Variants in UPF2 observed in about 807,000 individuals in gnomAD.
The protein encoded by UPF2 is UPF2 regulator of nonsense mediated mRNA decay.
Under a neutral mutation model 141.4 loss-of-function variants are expected in UPF2, and 17 were observed. The ratio of observed to expected loss-of-function variants is 0.12; its 90% CI spans 0.08 to 0.18. UPF2 has a LOEUF of 0.18. Ranked by LOEUF, UPF2 falls within the 10% of genes least tolerant of loss-of-function variation. The pLI is 1.00. For missense variants in UPF2, 1,152 were observed against 1,515.9 expected (o/e 0.76, Z 3.99); for synonymous variants, 540 against 498.0 (o/e 1.08, Z -1.12).
intron 15 of UPF2, among the ~76,000 whole-genome samples, chr10:11,950,301 T>C (rs2131181554): frequency 6.6e-6 from 1 of 152,300 alleles, no homozygotes; most frequent in South Asian, 2.1e-4. Flanking sequence ...TTTTCAGGTG[T>C]CTGAAAACAA....
chr10:11,929,399 C>G (rs889809498), intron 21 of UPF2, among the ~76,000 whole-genome samples: 7 of 152,150 alleles, frequency 4.6e-5, no homozygotes, highest in African/African-American at 1.7e-4. Flanking sequence ...TTTGTAAGAA[C>G]AGCCACGTGG....
intron 12 of UPF2, among the ~76,000 whole-genome samples, chr10:11,957,158 G>A (rs1008614108): frequency 5.9e-5 from 9 of 152,002 alleles, no homozygotes; most frequent in Non-Finnish European, 1.3e-4. Flanking sequence ...GCCAGGTGCT[G>A]TGGCTCACGC....
chr10:11,931,161 C>A lies in UPF2; in HGVS notation c.3688+480G>T, dbSNP rs1341586368. On this transcript the variant is annotated intron_variant, in intron 20 of 21. Coordinates refer to ENST00000357604, the MANE Select transcript of UPF2 (RefSeq NM_015542.4). This position sits in a 1 kb window ranked among gnomAD's most constrained non-coding sequence, Gnocchi z 5.9. ...GTGTGCCGCGTGACCATGTTCCAGA[C>A]AATGACAGACACCTATACAATGGTG... 6.6e-6 allele frequency among the ~76,000 whole-genome samples: 1 copy of A among 152,182 alleles called. No individual in the cohort carries two copies. Among genetic ancestry groups the A allele is most frequent in the Non-Finnish European group, 1.5e-5 (1 of 68,044 alleles).
At position 11,978,471 on chromosome 10, in the gene UPF2, A is replaced by G. The variant is rs74116803; in HGVS notation, c.1953+586T>C. 9.7e-3 allele frequency among the ~76,000 whole-genome samples: 1,480 copies of G among 152,260 alleles called. 23 individuals carry two copies. The highest frequency in any genetic ancestry group is 0.034 in the African/African-American group (1,395 of 41,552). On this transcript the variant is annotated intron_variant, in intron 9 of 21. Transcript: ENST00000357604. The stretch of plus-strand genomic sequence containing the variant: ...CATGGGTTGGGAGAACCACTAACAC[A>G]TAGTTTGTTCATACTTCTAGGGTTA...
rs1832835376 is a variant in UPF2 at position 11,935,273 on chromosome 10, C to G, written c.3546+1272G>C. On this transcript the variant is annotated intron_variant, in intron 19 of 21. Coordinates refer to ENST00000357604, the MANE Select transcript of UPF2 (RefSeq NM_015542.4). The surrounding 1 kb of genome is among the most constrained non-coding windows in gnomAD (Gnocchi z 4.9). Reference sequence around the variant, plus strand: ...GGTGTATTTCTCATATGCCTCCCAACACCAGAATGAAAGCTCGCAAGAGAG... The same window carrying G: ...GGTGTATTTCTCATATGCCTCCCAAGACCAGAATGAAAGCTCGCAAGAGAG... Among the ~76,000 whole-genome samples the G allele has an allele frequency of 6.6e-6, 1 of 152,152 alleles. No individual in the cohort carries two copies. The highest frequency in any genetic ancestry group is 2.1e-4 in the South Asian group (1 of 4,824).
At chr10:12,007,550 GCCGGGCACAGTGGCTCACGCCTGTAAT>G (rs1834053874) in intron 4 of UPF2, among the ~76,000 whole-genome samples, 1 of 152,104 alleles carries the variant, frequency 6.6e-6, no homozygotes, top group Non-Finnish European at 1.5e-5. Context: ...ATTTCCGTCG[GCCGGGCACAGTGGCTCACGCCTGTAAT>G]CCCAACACTT....
At chr10:11,941,899 T>C (rs1832940858) in intron 18 of UPF2, among the ~76,000 whole-genome samples, 1 of 152,270 alleles carries the variant, frequency 6.6e-6, no homozygotes, top group African/African-American at 2.4e-5. Context: ...TTCAGTTTAT[T>C]AATGTTATGA....
At chr10:11,993,672 CAT>C (rs1399900990) in intron 8 of UPF2, among the ~76,000 whole-genome samples, 9 of 152,214 alleles carry the variant, frequency 5.9e-5, no homozygotes, top group South Asian at 2.1e-4. Flanking sequence ...AAAATTACCA[CAT>C]GTCAGAACTA....
chr10:12,005,914 C>T (rs1285752650), intron 4 of UPF2, among the ~76,000 whole-genome samples: 6 of 151,508 alleles, frequency 4.0e-5, no homozygotes, highest in African/African-American at 1.2e-4. Context: ...GGGTCTCACT[C>T]TGCTGCCAAG....
intron 11 of UPF2, among the ~76,000 whole-genome samples, chr10:11,963,687 C>T (rs1833274978): frequency 6.6e-6 from 1 of 152,200 alleles, no homozygotes; most frequent in South Asian, 2.1e-4. Flanking sequence ...CCAAAACATT[C>T]ATAACATAAC....
At chr10:11,941,551 T>C (rs2131169395) in intron 18 of UPF2, among the ~76,000 whole-genome samples, 1 of 152,166 alleles carries the variant, frequency 6.6e-6, no homozygotes, top group Admixed American at 6.5e-5. Flanking sequence ...GATTCCATAA[T>C]ATCTTCTACC....
chr10:11,926,713 C>CT (rs1564333252), intron 21 of UPF2, among the ~76,000 whole-genome samples: 144 of 152,120 alleles, frequency 9.5e-4, no homozygotes, highest in African/African-American at 3.4e-3. Flanking sequence ...CAATAATGAA[C>CT]CTCTTTTCTA....
At position 11,959,863 on chromosome 10, in the gene UPF2, T is replaced by C. The variant is rs1833212602; in HGVS notation, c.2185-507A>G. On this transcript the variant is annotated intron_variant, in intron 11 of 21. Transcript: ENST00000357604. This position sits in a 1 kb window ranked among gnomAD's most constrained non-coding sequence, Gnocchi z 5.9. ...AGCATACTAACTGTTATACTACTTA[T>C]CATTTTTAGAACATACTAGCCCGTG... Among the ~76,000 whole-genome samples the C allele has an allele frequency of 6.6e-6, 1 of 152,248 alleles. No homozygotes were observed. Among genetic ancestry groups the C allele is most frequent in the Non-Finnish European group, 1.5e-5 (1 of 68,044 alleles).
intron 21 of UPF2, among the ~76,000 whole-genome samples, chr10:11,927,052 G>A (rs151079568): frequency 2.0e-5 from 3 of 152,158 alleles, no homozygotes; most frequent in African/African-American, 7.2e-5. Context: ...CAAATGAAGA[G>A]GGTGGAATTA....
rs767013718 is a variant in UPF2, at chr10:11,939,404, G to A, written c.3379-2692C>T. On this transcript the variant is annotated intron_variant, in intron 18 of 21. Coordinates refer to ENST00000357604, the MANE Select transcript of UPF2 (RefSeq NM_015542.4). The surrounding 1 kb of genome is among the most constrained non-coding windows in gnomAD (Gnocchi z 4.8). ...TGTTTTCCCTTAACTGATTTGCAAC[G>A]TTATCTTCATCATATTACTAAACGG... 3.9e-5 allele frequency among the ~76,000 whole-genome samples: 6 copies of A among 151,990 alleles called. No homozygotes were observed. The highest frequency in any genetic ancestry group is 3.4e-3 in the Middle Eastern group (1 of 294).
At chr10:11,975,792 C>T (rs1475544331) in intron 9 of UPF2, among the ~76,000 whole-genome samples, 1 of 152,088 alleles carries the variant, frequency 6.6e-6, no homozygotes, top group East Asian at 1.9e-4. Flanking sequence ...GCTGGGATTA[C>T]AGGTGTGGGC....
At chr10:12,003,860 G>T (rs577747936) in intron 5 of UPF2, among the ~76,000 whole-genome samples, 1 of 141,532 alleles carries the variant, frequency 7.1e-6, no homozygotes. Context: ...GGGAAGCGTA[G>T]GTTGCAGTGA....
chr10:11,974,324 C>G lies in UPF2; in HGVS notation c.1953+4733G>C, dbSNP rs571430476. Among the ~76,000 whole-genome samples the G allele has an allele frequency of 3.3e-5, 5 of 152,146 alleles. No individual in the cohort carries two copies. The East Asian group carries it at 5.8e-4, about 18-fold the overall frequency. ...AATATACGATCATGTCATCTGCAAA[C>G]AGGGACAATTTGACTTCCTCTTTTT... On this transcript the variant is annotated intron_variant, in intron 9 of 21. Coordinates refer to ENST00000357604, the MANE Select transcript of UPF2 (RefSeq NM_015542.4).
chr10:12,026,646 CT>C (rs760035093), intron 3 of UPF2: 51,151 of 375,932 alleles, frequency 0.14, 3 homozygotes, highest in South Asian at 0.18. Context: ...TTCCTATAAA[CT>C]TTTTTTTTTT....
Sources: allele counts gnomAD v4.1 joint callset (sites outside exome capture counted in the v4.1 genomes callset), GRCh38; gene constraint gnomAD v4.1.1; non-coding constraint Gnocchi (gnomAD v3.1); transcripts MANE v1.5; gene names NCBI Gene and HGNC (gene_info 2026-07-23, HGNC 2026-07-21).